Variants in NFIB observed in about 807,000 individuals in gnomAD.
NFIB encodes the protein nuclear factor 1 B-type.
In NFIB, 11 loss-of-function variants were observed where a neutral mutation model predicts 61.5. The ratio of observed to expected loss-of-function variants is 0.18; its 90% CI spans 0.11 to 0.30. The LOEUF is 0.30. Among genes scored for constraint, NFIB ranks in the 10% least tolerant of loss-of-function variants. The probability of loss-of-function intolerance (pLI) is 1.00; values close to 1 mark genes in which losing one functional copy is unlikely to be tolerated. For missense variants in NFIB, 471 were observed against 608.9 expected (o/e 0.77, Z 2.38); for synonymous variants, 260 against 216.5 (o/e 1.20, Z -1.76).
chr9:14,243,475 G>C (rs1227528041), intron 2 of NFIB, among the ~76,000 whole-genome samples: 1 of 152,090 alleles, frequency 6.6e-6, no homozygotes, highest in African/African-American at 2.4e-5. Flanking sequence ...TGAGAATCTA[G>C]AAGAGGAGCA....
intron 1 of NFIB, among the ~76,000 whole-genome samples, chr9:14,350,129 C>G (rs1422666933): frequency 1.3e-5 from 2 of 152,160 alleles, no homozygotes; most frequent in African/African-American, 4.8e-5. Flanking sequence ...TTTTCCAGCG[C>G]TCAGCCTCGG....
the NFIB span, among the ~76,000 whole-genome samples, chr9:14,487,058 TTACATGTCTGGA>T: frequency 2.2e-4 from 33 of 152,282 alleles, no homozygotes; most frequent in African/African-American, 7.7e-4. Context: ...CATCAACATT[TTACATGTCTGGA>T]TACCAAGCAA....
chr9:14,205,930 A>AAC (rs112967996), intron 2 of NFIB, among the ~76,000 whole-genome samples: 2,408 of 148,652 alleles, frequency 0.016, 34 homozygotes, highest in East Asian at 0.047. Context: ...TCACCTGAAA[A>AAC]ACACACACAC....
intron 1 of NFIB, among the ~76,000 whole-genome samples, chr9:14,344,214 A>G (rs1222014105): frequency 1.3e-5 from 2 of 151,776 alleles, no homozygotes; most frequent in African/African-American, 4.8e-5. Context: ...ACATAGCCAG[A>G]CCCCAAGAGA....
At chr9:14,126,991 T>C in intron 6 of NFIB, among the ~76,000 whole-genome samples, 1 of 152,202 alleles carries the variant, frequency 6.6e-6, no homozygotes, top group East Asian at 1.9e-4. Context: ...TAAGAAGGAA[T>C]TGCAAAGGTG....
intron 2 of NFIB, among the ~76,000 whole-genome samples, chr9:14,242,409 T>C (rs1362417619): frequency 1.3e-5 from 2 of 152,344 alleles, no homozygotes; most frequent in African/African-American, 2.4e-5. Context: ...AAGAAACAGA[T>C]TGGGGATTTA....
At chr9:14,439,822 G>A in the NFIB span, among the ~76,000 whole-genome samples, 1 of 152,204 alleles carries the variant, frequency 6.6e-6, no homozygotes, top group African/African-American at 2.4e-5. Context: ...AAAACACGGT[G>A]TAAGGGTTGA....
At chr9:14,397,328 CTG>C (rs149186609) in intron 1 of NFIB, among the ~76,000 whole-genome samples, 2,944 of 152,246 alleles carry the variant, frequency 0.019, 48 homozygotes, top group South Asian at 0.036. Context: ...GCAAAGATAA[CTG>C]TGTATTTGTG....
intron 3 of NFIB, 147 bp from the exon 4 acceptor site, chr9:14,156,040 G>A (rs566726373): frequency 4.1e-6 from 2 of 486,178 alleles, no homozygotes; most frequent in East Asian, 3.6e-5. Context: ...ATGACTCTTA[G>A]GAATGCAAAT....
chr9:14,165,227 G>C (rs1267745330), intron 3 of NFIB, among the ~76,000 whole-genome samples: 1 of 152,008 alleles, frequency 6.6e-6, no homozygotes, highest in Non-Finnish European at 1.5e-5. Context: ...CACTCTCCCA[G>C]GCCTTAGGAA....
chr9:14,144,030 G>GTGTGTT (rs2042031605), intron 6 of NFIB, among the ~76,000 whole-genome samples: 1 of 149,434 alleles, frequency 6.7e-6, no homozygotes, highest in Non-Finnish European at 1.5e-5. Flanking sequence ...GTGTGTGTGT[G>GTGTGTT]TGTTTAAAAT....
Position 14,086,564 on chromosome 9 carries a change from T to C in NFIB, c.*1745A>G, listed in dbSNP as rs992317125. 2 of 214,740 alleles carry C rather than the reference T, an allele frequency of 9.3e-6. No individual in the cohort carries two copies. The highest frequency in any genetic ancestry group is 6.9e-5 in the East Asian group (1 of 14,460). The allele number at this position is 214,740 out of a possible 1,614,324, so 13.3% of individuals were successfully genotyped here. ...AAAAAACACCAAAATACTGAAAATA[T>C]TGCTGGTCGATTACAATTTTTAAGC... On this transcript the variant is annotated 3_prime_UTR_variant, in exon 11 of 11. Transcript: ENST00000380953.
intron 2 of NFIB, among the ~76,000 whole-genome samples, chr9:14,208,200 G>C (rs534165074): frequency 6.6e-6 from 1 of 151,992 alleles, no homozygotes; most frequent in South Asian, 2.1e-4. Context: ...CTCCAGACAG[G>C]TTCTAATTCA....
the NFIB span, among the ~76,000 whole-genome samples, chr9:14,458,247 C>A: frequency 6.6e-6 from 1 of 152,208 alleles, no homozygotes; most frequent in South Asian, 2.1e-4. Flanking sequence ...AGCATATAAA[C>A]AGAACCAGTG....
chr9:14,223,825 C>T (rs900201195), intron 2 of NFIB, among the ~76,000 whole-genome samples: 2 of 152,114 alleles, frequency 1.3e-5, no homozygotes, highest in Non-Finnish European at 2.9e-5. Flanking sequence ...TAGAGAAGTA[C>T]AATACTAGGA....
chr9:14,378,176 G>A (rs749904897), intron 1 of NFIB, among the ~76,000 whole-genome samples: 1 of 152,156 alleles, frequency 6.6e-6, no homozygotes, highest in African/African-American at 2.4e-5. Context: ...TTTCCAAAGG[G>A]AATAATAATT....
At chr9:14,493,489 T>C in the NFIB span, among the ~76,000 whole-genome samples, 1 of 152,226 alleles carries the variant, frequency 6.6e-6, no homozygotes, top group Non-Finnish European at 1.5e-5. Flanking sequence ...ACTGTTAAAT[T>C]CTCCCATAAT....
At chr9:14,105,194 T>C (rs966784122) in intron 10 of NFIB, among the ~76,000 whole-genome samples, 3 of 152,198 alleles carry the variant, frequency 2.0e-5, no homozygotes, top group Non-Finnish European at 4.4e-5. Context: ...TTTCTAAAAG[T>C]AGTCCCAAAG....
chr9:14,238,896 CT>C (rs1454213558), intron 2 of NFIB, among the ~76,000 whole-genome samples: 3 of 152,190 alleles, frequency 2.0e-5, no homozygotes, highest in African/African-American at 4.8e-5. Context: ...TCAGTTCCTG[CT>C]TTTTTTTCTT....
Sources: allele counts gnomAD v4.1 joint callset (sites outside exome capture counted in the v4.1 genomes callset), GRCh38; gene constraint gnomAD v4.1.1; transcripts MANE v1.5; gene names NCBI Gene and HGNC (gene_info 2026-07-23, HGNC 2026-07-21).